Variants in MAGI2 observed in about 807,000 individuals in gnomAD.
MAGI2 encodes the protein membrane associated guanylate kinase, WW and PDZ domain containing 2, also known as membrane-associated guanylate kinase, WW and PDZ domain-containing protein 2.
A neutral mutation model predicts 133.3 loss-of-function variants in MAGI2; 35 were observed. That is an observed-to-expected ratio of 0.26 (90% confidence interval 0.20 to 0.35). The LOEUF is 0.35. MAGI2 is among the 10% of genes least tolerant of loss of function. The pLI, the probability that MAGI2 is intolerant of heterozygous loss-of-function variation, is 1.00. For synonymous variants in MAGI2, 729 were observed against 710.6 expected (o/e 1.03, Z -0.41); for missense variants, 1,636 against 1,863.4 (o/e 0.88, Z 2.25).
intron 4 of MAGI2, among the ~76,000 whole-genome samples, chr7:78,519,673 C>T (rs1365060415): frequency 6.6e-6 from 1 of 152,076 alleles, no homozygotes; most frequent in Non-Finnish European, 1.5e-5. Context: ...ATTCAGTAAG[C>T]CCCATAATTA....
At chr7:78,754,853 C>T (rs1823794878) in intron 2 of MAGI2, among the ~76,000 whole-genome samples, 1 of 152,192 alleles carries the variant, frequency 6.6e-6, no homozygotes, top group Non-Finnish European at 1.5e-5. Flanking sequence ...TTAAAAGACA[C>T]CAGAGAATGA....
chr7:78,196,264 G>A (rs1965532), intron 11 of MAGI2, among the ~76,000 whole-genome samples: 106,604 of 151,290 alleles, frequency 0.7, 37,914 homozygotes, highest in East Asian at 0.94. Flanking sequence ...TGTCCCTCCT[G>A]CCCCTCGCAC....
At chr7:79,048,182 C>T (rs1449078800) in intron 1 of MAGI2, among the ~76,000 whole-genome samples, 1 of 152,098 alleles carries the variant, frequency 6.6e-6, no homozygotes, top group Non-Finnish European at 1.5e-5. Flanking sequence ...AAACCACTAT[C>T]CCAAGCTTAG....
At chr7:79,284,493 A>T (rs940805923) in intron 1 of MAGI2, among the ~76,000 whole-genome samples, 8 of 151,988 alleles carry the variant, frequency 5.3e-5, no homozygotes, top group Non-Finnish European at 1.2e-4. Flanking sequence ...GCCTCTTCCA[A>T]TTTTTCATCC....
intron 6 of MAGI2, among the ~76,000 whole-genome samples, chr7:78,457,244 C>G (rs751436502): frequency 2.6e-5 from 4 of 152,212 alleles, no homozygotes; most frequent in Non-Finnish European, 4.4e-5. Flanking sequence ...AATCCTTCTT[C>G]TCAAACTCTT....
chr7:78,037,611 T>G lies in MAGI2; in HGVS notation c.3707-17635A>C, dbSNP rs576158305. 4.6e-5 allele frequency among the ~76,000 whole-genome samples: 7 copies of G among 152,356 alleles called. No individual in the cohort carries two copies. The East Asian group carries it at 1.3e-3, about 29-fold the overall frequency. ...ATAAGTTTTTTCATTGGAGCCACTT[T>G]GTCAGAAATAAAATTGAGCTGGAAA... is the stretch of plus-strand genomic sequence containing the variant. On this transcript the variant is annotated intron_variant, in intron 21 of 21. Coordinates refer to ENST00000354212, the MANE Select transcript of MAGI2 (RefSeq NM_012301.4).
intron 1 of MAGI2, among the ~76,000 whole-genome samples, chr7:79,375,427 A>C (rs1843319838): frequency 6.6e-6 from 1 of 152,030 alleles, no homozygotes; most frequent in Non-Finnish European, 1.5e-5. Flanking sequence ...CCTACTGTGC[A>C]TATAGTTAGA....
At chr7:78,788,470 G>A (rs984439106) in intron 2 of MAGI2, among the ~76,000 whole-genome samples, 1 of 151,546 alleles carries the variant, frequency 6.6e-6, no homozygotes, top group Non-Finnish European at 1.5e-5. Context: ...TTTTCCAGAT[G>A]TAGATAATTT....
chr7:78,536,632 C>A (rs139828542), intron 3 of MAGI2, among the ~76,000 whole-genome samples: 23 of 152,144 alleles, frequency 1.5e-4, no homozygotes, highest in African/African-American at 5.5e-4. Context: ...AACTGGAAGA[C>A]TTTTTCTTGA....
intron 2 of MAGI2, among the ~76,000 whole-genome samples, chr7:78,839,940 T>C (rs1305216116): frequency 6.6e-6 from 1 of 152,092 alleles, no homozygotes; most frequent in Non-Finnish European, 1.5e-5. Context: ...TTGTCAAAGA[T>C]GTCATTAACT....
chr7:78,907,969 T>G (rs145686241), intron 2 of MAGI2, among the ~76,000 whole-genome samples: 82 of 152,332 alleles, frequency 5.4e-4, no homozygotes, highest in African/African-American at 1.9e-3. Flanking sequence ...AAGGGAATAT[T>G]GGAGTTACAT....
At chr7:78,665,770 T>C (rs547657812) in intron 2 of MAGI2, among the ~76,000 whole-genome samples, 3 of 152,290 alleles carry the variant, frequency 2.0e-5, no homozygotes, top group Admixed American at 6.6e-5. Context: ...CATACTTTAT[T>C]GTGTTAATTC....
At chr7:78,660,675 T>C (rs550385408) in intron 2 of MAGI2, among the ~76,000 whole-genome samples, 1 of 152,346 alleles carries the variant, frequency 6.6e-6, no homozygotes, top group East Asian at 1.9e-4. Context: ...GTATATTCCA[T>C]TTCTAAATGC....
intron 2 of MAGI2, among the ~76,000 whole-genome samples, chr7:78,637,519 C>T (rs185160343): frequency 1.3e-5 from 2 of 151,026 alleles, no homozygotes; most frequent in South Asian, 2.1e-4. Context: ...AATGAAAAAT[C>T]TGTAGATCTC....
chr7:79,148,700 A>G (rs2129546775), intron 1 of MAGI2, among the ~76,000 whole-genome samples: 1 of 151,976 alleles, frequency 6.6e-6, no homozygotes, highest in Non-Finnish European at 1.5e-5. Flanking sequence ...CCAGGAAAAA[A>G]GAGGGTGTGT....
chr7:79,305,967 G>A (rs1585504802), intron 1 of MAGI2, among the ~76,000 whole-genome samples: 2 of 150,680 alleles, frequency 1.3e-5, no homozygotes, highest in Non-Finnish European at 3.0e-5. Flanking sequence ...TTTGGAAATT[G>A]AACTACATAT....
chr7:79,349,777 G>C (rs989088853), intron 1 of MAGI2, among the ~76,000 whole-genome samples: 22 of 151,854 alleles, frequency 1.4e-4, no homozygotes, highest in African/African-American at 5.3e-4. Flanking sequence ...TTTCCCCATT[G>C]GTTCTCAGGG....
chr7:78,630,413 C>CTTT lies in MAGI2; in HGVS notation c.419-3177_419-3175dup, dbSNP rs35696228. On this transcript the variant is annotated intron_variant, in intron 2 of 21. Transcript: ENST00000354212. ...TGGTGTACTGACTTTTTGTGTTTAA[C>CTTT]TTTTTTTTTTTTTTTTTTTTGAGAC... Among the ~76,000 whole-genome samples the CTTT allele has an allele frequency of 1.8e-3, 200 of 112,302 alleles. 8 individuals carry two copies. Among genetic ancestry groups the CTTT allele is most frequent in the East Asian group, 6.6e-3 (23 of 3,502 alleles). The allele number at this position is 112,302 out of a possible 152,430, so 73.7% of individuals were successfully genotyped here. A position where few individuals can be genotyped will look rare whatever the true frequency, so the allele number is the denominator to read the frequency against.
intron 1 of MAGI2, among the ~76,000 whole-genome samples, chr7:79,143,476 C>A (rs1822322026): frequency 6.6e-6 from 1 of 152,124 alleles, no homozygotes; most frequent in Non-Finnish European, 1.5e-5. Flanking sequence ...TAAATGAGCA[C>A]CTGTTCTGTC....
Sources: allele counts gnomAD v4.1 joint callset (sites outside exome capture counted in the v4.1 genomes callset), GRCh38; gene constraint gnomAD v4.1.1; transcripts MANE v1.5; gene names NCBI Gene and HGNC (gene_info 2026-07-23, HGNC 2026-07-21).